WDR17: variants seen among roughly 807,000 people sequenced by gnomAD.
WDR17 encodes the protein WD repeat-containing protein 17.
In WDR17, 143 loss-of-function variants were observed where a neutral mutation model predicts 161.7. That is an observed-to-expected ratio of 0.88 (90% CI 0.77 to 1.02). The LOEUF (loss-of-function observed/expected upper bound fraction) is 1.02, where lower values mean the gene tolerates loss of function less well. Ranked by LOEUF, WDR17 falls within the 50% of genes least tolerant of loss-of-function variation. The pLI, the probability that WDR17 is intolerant of heterozygous loss-of-function variation, is 0.00. For missense variants in WDR17, 1,469 were observed against 1,520.9 expected (o/e 0.97, Z 0.57); for synonymous variants, 517 against 515.6 (o/e 1.00, Z -0.04).
chr4:176,175,855 G>T (rs904041407), intron 26 of WDR17, among the ~76,000 whole-genome samples: 6 of 151,588 alleles, frequency 4.0e-5, no homozygotes, highest in Non-Finnish European at 1.5e-5. Context: ...CACCATGCCC[G>T]GCCGGTTAAG....
intron 13 of WDR17, among the ~76,000 whole-genome samples, chr4:176,149,137 ATGTATGCTAT>A (rs1297981970): frequency 6.6e-6 from 1 of 152,184 alleles, no homozygotes; most frequent in East Asian, 1.9e-4. Context: ...CACAGATACT[ATGTATGCTAT>A]TGGTTTTATA....
intron 1 of WDR17, among the ~76,000 whole-genome samples, chr4:176,088,083 A>G: frequency 6.6e-6 from 1 of 152,128 alleles, no homozygotes; most frequent in East Asian, 1.9e-4. Flanking sequence ...GCCTCAAGTG[A>G]TCTGCCCTCC....
At chr4:176,126,174 A>G (rs1198345431) in intron 5 of WDR17, among the ~76,000 whole-genome samples, 2 of 152,132 alleles carry the variant, frequency 1.3e-5, no homozygotes, top group Non-Finnish European at 2.9e-5. Flanking sequence ...AGGCATTCAA[A>G]CTATAGCACT....
intron 6 of WDR17, 128 bp downstream of exon 6, chr4:176,128,988 A>G: frequency 1.3e-6 from 1 of 763,988 alleles, no homozygotes; most frequent in Non-Finnish European, 1.9e-6. Flanking sequence ...GGCTTTGACA[A>G]TATATGTGCT....
intron 13 of WDR17, among the ~76,000 whole-genome samples, chr4:176,148,553 T>C (rs1017976049): frequency 1.3e-5 from 2 of 152,238 alleles, no homozygotes; most frequent in African/African-American, 4.8e-5. Flanking sequence ...TTGTTAGCAC[T>C]GTGTTGTCTT....
chr4:176,164,626 G>A (rs1749500521), intron 22 of WDR17, among the ~76,000 whole-genome samples: 1 of 152,122 alleles, frequency 6.6e-6, no homozygotes, highest in Non-Finnish European at 1.5e-5. Flanking sequence ...TCAGATGAGG[G>A]ATACCCAACC....
At chr4:176,077,061 TA>T (rs1210154906) in intron 1 of WDR17, among the ~76,000 whole-genome samples, 4 of 151,836 alleles carry the variant, frequency 2.6e-5, no homozygotes, top group Non-Finnish European at 4.4e-5. Flanking sequence ...ATGAAAAAAA[TA>T]AAAATACTTT....
At chr4:176,160,263 T>G (rs1748833776) in intron 19 of WDR17, 137 bp downstream of exon 19, 1 of 901,718 alleles carries the variant, frequency 1.1e-6, no homozygotes, top group South Asian at 3.0e-5. Flanking sequence ...TCCCTGGCCT[T>G]CTTTCTCAAC....
intron 4 of WDR17, among the ~76,000 whole-genome samples, 191 bp downstream of exon 4, chr4:176,120,288 T>TTATATATATATATATATATATATATATA (rs33940735): frequency 7.3e-6 from 1 of 136,516 alleles, no homozygotes; most frequent in African/African-American, 2.8e-5. Flanking sequence ...ATTTGAAGTT[T>TTATATATATATATATATATATATATATA]TATATATATA....
intron 1 of WDR17, among the ~76,000 whole-genome samples, chr4:176,102,445 C>A (rs1737970122): frequency 6.6e-6 from 1 of 152,126 alleles, no homozygotes; most frequent in African/African-American, 2.4e-5. Context: ...TGGGTTCTTA[C>A]AAAGCTAAAC....
intron 13 of WDR17, among the ~76,000 whole-genome samples, 199 bp downstream of exon 13, chr4:176,148,534 A>G (rs903402220): frequency 1.3e-5 from 2 of 152,254 alleles, no homozygotes; most frequent in African/African-American, 4.8e-5. Context: ...AATTATCAGA[A>G]GATGACTATT....
chr4:176,111,627 C>T lies in WDR17; in HGVS notation c.47C>T (p.Pro16Leu). 6.2e-7 allele frequency: 1 copy of T among 1,610,924 alleles called. No individual in the cohort carries two copies. Among genetic ancestry groups the T allele is most frequent in the South Asian group, 1.1e-5 (1 of 90,678 alleles). ...QVGLLAAGCQPWNKDVCAASG... is the reference protein window; with the variant it reads ...QVGLLAAGCQLWNKDVCAASG... Reference sequence around the variant, plus strand: ...GGATTGCTGGCTGCTGGATGTCAGCCATGGAACAAGGATGTATGTGCTGCC... The same window carrying T: ...GGATTGCTGGCTGCTGGATGTCAGCTATGGAACAAGGATGTATGTGCTGCC... Residue 16 changes from proline (P) to leucine (L), a missense_variant, in exon 2 of 29, where the codon CCA (proline) becomes CTA (leucine). Pro to Leu is a moderately conservative substitution (Grantham distance 98). Coordinates refer to ENST00000508596, the MANE Select transcript of WDR17 (RefSeq NM_181265.4).
At chr4:176,119,840 T>G in intron 3 of WDR17, 27 bp from the exon 4 acceptor site, 1 of 1,580,742 alleles carries the variant, frequency 6.3e-7, no homozygotes, top group Non-Finnish European at 8.7e-7. Context: ...GTATCTTTAT[T>G]ATGTATCTGT....
chr4:176,176,943 G>T, intron 26 of WDR17, 115 bp from the exon 27 acceptor site: 1 of 678,420 alleles, frequency 1.5e-6, no homozygotes, highest in Non-Finnish European at 2.6e-6. Flanking sequence ...TATATATAAC[G>T]TATAATGTCT....
At chr4:176,125,492 T>G in intron 5 of WDR17, 137 bp downstream of exon 5, 1 of 1,071,082 alleles carries the variant, frequency 9.3e-7, no homozygotes, top group Admixed American at 2.9e-5. Flanking sequence ...AGTAAATTAC[T>G]AGTGTACTTT....
At chr4:176,131,874 T>A in intron 7 of WDR17, 136 bp downstream of exon 7, 1 of 689,008 alleles carries the variant, frequency 1.5e-6, no homozygotes, top group African/African-American at 1.9e-5. Context: ...TGTAGCTGGT[T>A]GAAACATTTT....
At chr4:176,104,961 A>G (rs779254960) in intron 1 of WDR17, among the ~76,000 whole-genome samples, 2 of 152,028 alleles carry the variant, frequency 1.3e-5, no homozygotes, top group Non-Finnish European at 2.9e-5. Flanking sequence ...TTAAAAAAAG[A>G]TCCATCTGTA....
At chr4:176,139,313 T>G (rs1167201254) in intron 9 of WDR17, among the ~76,000 whole-genome samples, 1 of 151,958 alleles carries the variant, frequency 6.6e-6, no homozygotes, top group Non-Finnish European at 1.5e-5. Context: ...TTTTAAAAAT[T>G]CTTATAATTC....
At chr4:176,084,926 C>T (rs576244605) in intron 1 of WDR17, among the ~76,000 whole-genome samples, 2 of 151,552 alleles carry the variant, frequency 1.3e-5, no homozygotes, top group Non-Finnish European at 2.9e-5. Flanking sequence ...ATGAAGAGAT[C>T]TATCCTGGAC....
Sources: gnomAD v4.1 joint callset for allele counts (sites outside exome capture counted in the v4.1 genomes callset) on GRCh38, gnomAD v4.1.1 for gene constraint, MANE v1.5 for transcripts, NCBI Gene and HGNC (gene_info 2026-07-23, HGNC 2026-07-21) for gene names.